Variants in MITF observed in about 807,000 individuals in gnomAD.
The protein encoded by MITF is microphthalmia-associated transcription factor.
Under a neutral mutation model 60.5 loss-of-function variants are expected in MITF, and 17 were observed. That is an observed-to-expected ratio of 0.28 (90% CI 0.19 to 0.42). The LOEUF (loss-of-function observed/expected upper bound fraction) is 0.42, where lower values mean the gene tolerates loss of function less well. Ranked by LOEUF, MITF falls within the 10% of genes least tolerant of loss-of-function variation. The probability of loss-of-function intolerance (pLI) is 1.00; values close to 1 mark genes in which losing one functional copy is unlikely to be tolerated. For synonymous variants in MITF, 260 were observed against 248.5 expected (o/e 1.05, Z -0.43); for missense variants, 622 against 683.5 (o/e 0.91, Z 1.00).
At chr3:69,844,879 A>G (rs1477954991) in intron 1 of MITF, among the ~76,000 whole-genome samples, 2 of 152,210 alleles carry the variant, frequency 1.3e-5, no homozygotes, top group Non-Finnish European at 2.9e-5. Flanking sequence ...AGATCTGGTA[A>G]CATTGAACTC....
chr3:69,826,663 T>C (rs2063359814), intron 1 of MITF, among the ~76,000 whole-genome samples: 1 of 152,184 alleles, frequency 6.6e-6, no homozygotes, highest in East Asian at 1.9e-4. Flanking sequence ...TGTCTCCTCA[T>C]TGGCAATGGG....
chr3:69,924,337 C>A (rs2065537155), intron 2 of MITF, among the ~76,000 whole-genome samples: 1 of 152,114 alleles, frequency 6.6e-6, no homozygotes, highest in Non-Finnish European at 1.5e-5. Context: ...TGGTGAAGGT[C>A]CAGAATAGCA....
At chr3:69,865,815 G>A (rs1300376089) in intron 1 of MITF, among the ~76,000 whole-genome samples, 1 of 152,152 alleles carries the variant, frequency 6.6e-6, no homozygotes, top group Non-Finnish European at 1.5e-5. Flanking sequence ...GTTGATGCCC[G>A]AGAGCTCCCA....
Position 69,750,065 on chromosome 3 carries a change from C to A in MITF, c.104+10364C>A, listed in dbSNP as rs534097403. ...GATGTAACGGCAGGGAGCTGAATGG[C>A]AAGGACAATTAATTGGGGTTTGTTT... On this transcript the variant is annotated intron_variant, in intron 1 of 9. Coordinates refer to ENST00000352241, the MANE Select transcript of MITF (RefSeq NM_001354604.2). 3.4e-4 allele frequency among the ~76,000 whole-genome samples: 51 copies of A among 152,232 alleles called. 2 individuals carry two copies. The highest frequency in any genetic ancestry group is 8.8e-5 in the Non-Finnish European group (6 of 68,008).
At chr3:69,910,478 G>A (rs1417480311) in intron 2 of MITF, among the ~76,000 whole-genome samples, 2 of 152,194 alleles carry the variant, frequency 1.3e-5, no homozygotes, top group Admixed American at 6.5e-5. Flanking sequence ...TAGATCCACT[G>A]ACAGCGTGAA....
intron 1 of MITF, among the ~76,000 whole-genome samples, chr3:69,870,544 C>T (rs1312522667): frequency 1.3e-5 from 2 of 151,414 alleles, no homozygotes; most frequent in Non-Finnish European, 2.9e-5. Flanking sequence ...AAGTGATTCT[C>T]CTGCCTCAGC....
intron 1 of MITF, among the ~76,000 whole-genome samples, chr3:69,855,597 A>G (rs1373981531): frequency 1.3e-5 from 2 of 152,128 alleles, no homozygotes; most frequent in Admixed American, 1.3e-4. Context: ...CTGCTCACGA[A>G]TCCCAAAGCA....
intron 2 of MITF, among the ~76,000 whole-genome samples, chr3:69,933,079 T>C (rs1294142788): frequency 6.6e-6 from 1 of 152,030 alleles, no homozygotes; most frequent in Non-Finnish European, 1.5e-5. Context: ...CTCAGGAGGC[T>C]GAAGTGGGAA....
chr3:69,940,172 A>G (rs1313424534), intron 4 of MITF, among the ~76,000 whole-genome samples: 1 of 152,196 alleles, frequency 6.6e-6, no homozygotes, highest in Admixed American at 6.5e-5. Context: ...AGATTGACAA[A>G]CTGAGGCTTT....
At chr3:69,853,047 A>T (rs1408580894) in intron 1 of MITF, among the ~76,000 whole-genome samples, 1 of 152,134 alleles carries the variant, frequency 6.6e-6, no homozygotes, top group Non-Finnish European at 1.5e-5. Context: ...TTAAAAAAAA[A>T]TTCATTCATT....
chr3:69,888,837 T>TA (rs1373588945), intron 2 of MITF, among the ~76,000 whole-genome samples: 2 of 152,002 alleles, frequency 1.3e-5, no homozygotes, highest in African/African-American at 2.4e-5. Context: ...TTCAGCATTT[T>TA]ACTGGGCTTT....
intron 2 of MITF, among the ~76,000 whole-genome samples, chr3:69,891,084 A>G (rs1025754222): frequency 6.6e-6 from 1 of 152,198 alleles, no homozygotes; most frequent in Non-Finnish European, 1.5e-5. Flanking sequence ...TCTTCCATTA[A>G]CATAAGTTAA....
chr3:69,828,417 T>G (rs1013164477), intron 1 of MITF, among the ~76,000 whole-genome samples: 1 of 152,124 alleles, frequency 6.6e-6, no homozygotes, highest in Non-Finnish European at 1.5e-5. Flanking sequence ...ATTTTTTATT[T>G]AGCTTGTATA....
intron 1 of MITF, among the ~76,000 whole-genome samples, chr3:69,825,837 C>A (rs1425351402): frequency 6.6e-6 from 1 of 152,068 alleles, no homozygotes; most frequent in South Asian, 2.1e-4. Context: ...AAAAATATAG[C>A]AAAACAGATC....
At chr3:69,843,645 G>A (rs371483143) in intron 1 of MITF, among the ~76,000 whole-genome samples, 2 of 151,984 alleles carry the variant, frequency 1.3e-5, no homozygotes, top group East Asian at 3.9e-4. Flanking sequence ...CACAACTTTG[G>A]GTTTTTATTT....
At chr3:69,939,282 C>A in intron 4 of MITF, 101 bp downstream of exon 4, 1 of 1,085,926 alleles carries the variant, frequency 9.2e-7, no homozygotes, top group South Asian at 1.4e-5. Context: ...TTTTTTCCCC[C>A]ATTGTTTTTT....
intron 1 of MITF, among the ~76,000 whole-genome samples, chr3:69,800,675 T>C (rs1211214691): frequency 6.6e-6 from 1 of 152,212 alleles, no homozygotes; most frequent in African/African-American, 2.4e-5. Flanking sequence ...GTGGTCATTG[T>C]GTCTCTTTTA....
chr3:69,954,516 G>A (rs568512631), intron 7 of MITF, among the ~76,000 whole-genome samples: 2 of 152,296 alleles, frequency 1.3e-5, no homozygotes, highest in East Asian at 1.9e-4. Flanking sequence ...TCACATATCT[G>A]GAGGTACAGT....
At chr3:69,836,806 C>T (rs1390593747) in intron 1 of MITF, among the ~76,000 whole-genome samples, 3 of 152,102 alleles carry the variant, frequency 2.0e-5, no homozygotes, top group African/African-American at 7.2e-5. Flanking sequence ...TGAACCCTCC[C>T]TAGTTTAAGC....
Sources: allele counts gnomAD v4.1 joint callset (sites outside exome capture counted in the v4.1 genomes callset), GRCh38; gene constraint gnomAD v4.1.1; transcripts MANE v1.5; gene names NCBI Gene and HGNC (gene_info 2026-07-23, HGNC 2026-07-21).